Variants in SRRM2 observed in about 807,000 individuals in gnomAD.
The protein encoded by SRRM2 is serine/arginine repetitive matrix 2, also known as serine/arginine repetitive matrix protein 2.
In SRRM2, 30 loss-of-function variants were observed where a neutral mutation model predicts 213.8. The ratio of observed to expected loss-of-function variants is 0.14; its 90% CI spans 0.10 to 0.19. SRRM2 has a LOEUF of 0.19. SRRM2 is among the 10% of genes least tolerant of loss of function. The pLI is 1.00. For missense variants in SRRM2, 4,904 were observed against 3,647.0 expected (o/e 1.34, Z -8.88); for synonymous variants, 2,025 against 1,377.7 (o/e 1.47, Z -10.40).
chr16:2,770,319 T>C, intron 12 of SRRM2, 33 bp from the exon 13 acceptor site: 2 of 1,540,600 alleles, frequency 1.3e-6, no homozygotes, highest in Non-Finnish European at 1.8e-6. Context: ...CTTGAAAGGG[T>C]GTGGTGCTAT....
In SRRM2 at chr16:2,768,145, C is replaced by T. The variant is rs562448420; in HGVS notation, c.7617C>T (p.Ser2539=). The T allele has an allele frequency of 2.5e-6, 4 of 1,613,618 alleles. No homozygotes were observed. In the South Asian group the frequency reaches 3.3e-5, roughly 13 times the overall value. Residue 2539 remains serine (S), a synonymous_variant, in exon 11 of 15, where the codon TCC becomes TCT. Coordinates refer to ENST00000301740, the MANE Select transcript of SRRM2 (RefSeq NM_016333.4). ...GGAGTTCCTCCTCGTCGTCGTCGTC[C>T]TCTAGCTCCTCCTCTTCTTCATCAT... ...ERRSSSSSSS[S]SSSSSSSSSS...
chr16:2,771,021 T>C lies in SRRM2; in HGVS notation c.*154T>C. The C allele has an allele frequency of 1.1e-6, 1 of 873,834 alleles. No individual in the cohort carries two copies. Among genetic ancestry groups the C allele is most frequent in the Non-Finnish European group, 1.7e-6 (1 of 579,768 alleles). The allele number at this position is 873,834 out of a possible 1,614,324, so 54.1% of individuals were successfully genotyped here. ...GCTCCCTTTCCCTCCCCTTTTTTTT[T>C]TCTTTGTTCCTGTGAAATGTTAATC... On this transcript the variant is annotated 3_prime_UTR_variant, in exon 15 of 15. Coordinates refer to ENST00000301740, the MANE Select transcript of SRRM2 (RefSeq NM_016333.4).
At position 2,756,355 on chromosome 16, in the gene SRRM2, G is replaced by A; in HGVS notation, c.-10G>A. 1.3e-6 allele frequency: 2 copies of A among 1,592,854 alleles called. No individual in the cohort carries two copies. The highest frequency in any genetic ancestry group is 1.7e-6 in the Non-Finnish European group (2 of 1,172,638). On this transcript the variant is annotated 5_prime_UTR_variant, in exon 2 of 15. Coordinates refer to ENST00000301740, the MANE Select transcript of SRRM2 (RefSeq NM_016333.4). ...TCAGGAGCGGTGGTGCCCCCCCCGGGCACGGGGCCATGTACAACGGGATCG... is the reference window on the plus strand; with the variant it reads ...TCAGGAGCGGTGGTGCCCCCCCCGGACACGGGGCCATGTACAACGGGATCG...
In SRRM2 at chr16:2,770,912, A is replaced by G. The variant is rs1183460220; in HGVS notation, c.*45A>G. 11 of 1,612,496 alleles carry G rather than the reference A, an allele frequency of 6.8e-6. No homozygotes were observed. Among genetic ancestry groups the G allele is most frequent in the Non-Finnish European group, 9.3e-6 (11 of 1,179,482 alleles). ...ACCACACCCAATGCTCTGGAGCCACAAGGAGTGTCCCTTCTTCCCCAGCAG... is the reference window on the plus strand; with the variant it reads ...ACCACACCCAATGCTCTGGAGCCACGAGGAGTGTCCCTTCTTCCCCAGCAG... On this transcript the variant is annotated 3_prime_UTR_variant, in exon 15 of 15. Coordinates refer to ENST00000301740, the MANE Select transcript of SRRM2 (RefSeq NM_016333.4).
At position 2,764,376 on chromosome 16, in the gene SRRM2, C is replaced by G. The variant is rs145759637; in HGVS notation, c.3848C>G (p.Thr1283Ser). 1.1e-5 allele frequency: 18 copies of G among 1,614,152 alleles called. No homozygotes were observed. In the African/African-American group the frequency reaches 1.6e-4, roughly 14 times the overall value. The change falls in exon 11 of 15, where the codon ACT becomes AGT. Residue 1283 changes from threonine to serine, a missense_variant. Transcript: ENST00000301740. ...GAAGAAAGGCCTGCTGTGTCTTTGA[C>G]TCTTGATCAGAGCCAGTCACAGGCT... ...EVEERPAVSL[T>S]LDQSQSQASL... is the part of the protein sequence containing the mutation.
Position 2,771,326 on chromosome 16 carries a change from TC to T in SRRM2, c.*460del, listed in dbSNP as rs2068740917. 1 of 1,368,638 alleles carries T rather than the reference TC, an allele frequency of 7.3e-7. No homozygotes were observed. The highest frequency in any genetic ancestry group is 1.2e-5 in the South Asian group (1 of 85,358). 84.8% of individuals were successfully genotyped at this position (1,368,638 alleles called of 1,614,324 possible). A position where few individuals can be genotyped will look rare whatever the true frequency, so the allele number is the denominator to read the frequency against. On this transcript the variant is annotated 3_prime_UTR_variant, in exon 15 of 15. Coordinates refer to ENST00000301740, the MANE Select transcript of SRRM2 (RefSeq NM_016333.4). Reference sequence around the variant, plus strand: ...GTTGTGAACCCCTCCCCCCAACTTTTCATGTTTCTTAAAGGCATTTTGGTTT... The same window carrying T: ...GTTGTGAACCCCTCCCCCCAACTTTTATGTTTCTTAAAGGCATTTTGGTTT...
Position 2,766,113 on chromosome 16 carries a change from A to T in SRRM2, c.5585A>T (p.Lys1862Ile). 6.2e-7 allele frequency: 1 copy of T among 1,614,120 alleles called. No homozygotes were observed. The highest frequency in any genetic ancestry group is 8.5e-7 in the Non-Finnish European group (1 of 1,180,004). ...TCACGCACATCACCAGCCCCGTGGA[A>T]ACGCTCTAGATCTCGAGCCTCTCCA... ...SRSRTSPAPW[K>I]RSRSRASPAT... The change falls in exon 11 of 15, where the codon AAA becomes ATA. Residue 1862 changes from lysine (K) to isoleucine (I), a missense_variant. Physicochemically the swap from Lys to Ile is moderately radical, Grantham distance 102. Coordinates refer to ENST00000301740, the MANE Select transcript of SRRM2 (RefSeq NM_016333.4). The surrounding 1 kb of genome is among the most constrained non-coding windows in gnomAD (Gnocchi z 7.0).
intron 1 of SRRM2, among the ~76,000 whole-genome samples, chr16:2,755,117 A>G (rs2068095139): frequency 6.6e-6 from 1 of 152,196 alleles, no homozygotes; most frequent in Non-Finnish European, 1.5e-5. Context: ...TGTTCTAGGA[A>G]ACTATCTTGG....
In SRRM2 at chr16:2,759,392, A is replaced by G. The variant is rs762296235; in HGVS notation, c.730A>G (p.Lys244Glu). The change falls in exon 8 of 15, where the codon AAG (lysine) becomes GAG (glutamate). Residue 244 changes from lysine to glutamate, a missense_variant. Physicochemically the swap from Lys to Glu is moderately conservative, Grantham distance 56. Transcript: ENST00000301740. ...GAGCAAACGTAAATCTAAGGACAAAAAGCGAAAGCGGTGAGTGAATTTGTG... is the reference window on the plus strand; with the variant it reads ...GAGCAAACGTAAATCTAAGGACAAAGAGCGAAAGCGGTGAGTGAATTTGTG... ...PKSKRKSKDK[K>E]RKRSRSTTPA... 1 of 1,593,810 alleles carries G rather than the reference A, an allele frequency of 6.3e-7. No homozygotes were observed. Among genetic ancestry groups the G allele is most frequent in the Non-Finnish European group, 8.5e-7 (1 of 1,173,710 alleles).
In SRRM2 at chr16:2,763,206, G is replaced by T. The variant is rs779019911; in HGVS notation, c.2678G>T (p.Gly893Val). The change falls in exon 11 of 15, where the codon GGG (glycine) becomes GTG (valine). Residue 893 changes from glycine (G) to valine (V), a missense_variant. By Grantham distance (109) the Gly-to-Val change is moderately radical (BLOSUM62 -3). Coordinates refer to ENST00000301740, the MANE Select transcript of SRRM2 (RefSeq NM_016333.4). Reference protein sequence around the residue: ...SRTPSRHSCSGSSPPRVKSST... With the variant: ...SRTPSRHSCSVSSPPRVKSST... The stretch of plus-strand genomic sequence containing the variant: ...ACCCCTTCTAGACATAGCTGCTCAG[G>T]GTCCTCTCCTCCTAGAGTGAAATCT... 1.9e-6 allele frequency: 3 copies of T among 1,613,738 alleles called. No homozygotes were observed. The highest frequency in any genetic ancestry group is 2.7e-5 in the African/African-American group (2 of 74,802).
At position 2,765,512 on chromosome 16, in the gene SRRM2, C is replaced by G. The variant is rs775351484; in HGVS notation, c.4984C>G (p.Pro1662Ala). The change falls in exon 11 of 15, where the codon CCG becomes GCG. Residue 1662 changes from proline (P) to alanine (A), a missense_variant. By Grantham distance (27) the Pro-to-Ala change is conservative. Transcript: ENST00000301740. ...CAGTACCGAGTCCTCTCCTGAACAT[C>G]CGCCCAAATCCAGAACTGCTCGCAG... ...SSSTESSPEH[P>A]PKSRTARRGS... The G allele has an allele frequency of 3.3e-5, 54 of 1,614,190 alleles. No individual in the cohort carries two copies. The highest frequency in any genetic ancestry group is 4.6e-5 in the Non-Finnish European group (54 of 1,180,038).
chr16:2,764,955 G>A lies in SRRM2; in HGVS notation c.4427G>A (p.Gly1476Glu), dbSNP rs747135314. Residue 1476 changes from glycine to glutamate, a missense_variant, in exon 11 of 15, where the codon GGG becomes GAG. By Grantham distance (98) the Gly-to-Glu change is moderately conservative (BLOSUM62 -2). Coordinates refer to ENST00000301740, the MANE Select transcript of SRRM2 (RefSeq NM_016333.4). ...GATATACCTAGAACGCCATCTAGAG[G>A]GAGAAGCGAATGTGATTCTTCCCCA... ...MKDIPRTPSR[G>E]RSECDSSPEP... The A allele has an allele frequency of 6.2e-7, 1 of 1,614,086 alleles. No individual in the cohort carries two copies. Among genetic ancestry groups the A allele is most frequent in the African/African-American group, 1.3e-5 (1 of 75,012 alleles).
At chr16:2,759,098 C>T (rs370966028) in intron 6 of SRRM2, 42 bp from the exon 7 acceptor site, 150 of 1,614,014 alleles carry the variant, frequency 9.3e-5, no homozygotes, top group Non-Finnish European at 1.2e-4. Context: ...TGAATTCAGG[C>T]AGAGGTGTTT....
At position 2,758,488 on chromosome 16, in the gene SRRM2, C is replaced by T; in HGVS notation, c.534C>T (p.Ser178=). ...PKPYSLVRES[S]SSRSPTPKQK... ...TCCCTAGCCTTGTTCGGGAGTCTAG[C>T]AGTTCTCGCTCACCAACCCCAAAGC... Residue 178 remains serine, a synonymous_variant, in exon 5 of 15, where the codon AGC becomes AGT. Coordinates refer to ENST00000301740, the MANE Select transcript of SRRM2 (RefSeq NM_016333.4). 1 of 1,614,064 alleles carries T rather than the reference C, an allele frequency of 6.2e-7. No homozygotes were observed. The highest frequency in any genetic ancestry group is 1.1e-5 in the South Asian group (1 of 91,078).
chr16:2,758,912 GGA>G (rs1384708028), intron 5 of SRRM2, 71 bp from the exon 6 acceptor site: 33 of 1,565,792 alleles, frequency 2.1e-5, no homozygotes, highest in Non-Finnish European at 2.8e-5. Flanking sequence ...AACCTTTTTA[GGA>G]GAGAGATTGT....
In SRRM2 at chr16:2,763,405, G is replaced by C; in HGVS notation, c.2877G>C (p.Val959=). Residue 959 remains valine (V), a synonymous_variant, in exon 11 of 15, where the codon GTG becomes GTC. Coordinates refer to ENST00000301740, the MANE Select transcript of SRRM2 (RefSeq NM_016333.4). ...RSRSVSPCSN[V]ESRLLPRYSH... Reference sequence around the variant, plus strand: ...GATCAGTATCTCCCTGCTCCAATGTGGAATCCAGATTGTTGCCAAGATACA... The same window carrying C: ...GATCAGTATCTCCCTGCTCCAATGTCGAATCCAGATTGTTGCCAAGATACA... 1 of 1,614,178 alleles carries C rather than the reference G, an allele frequency of 6.2e-7. No homozygotes were observed. Among genetic ancestry groups the C allele is most frequent in the East Asian group, 2.2e-5 (1 of 44,888 alleles).
intron 11 of SRRM2, 140 bp from the exon 12 acceptor site, chr16:2,768,857 A>G (rs983131066): frequency 6.6e-7 from 1 of 1,525,322 alleles, no homozygotes; most frequent in Non-Finnish European, 8.8e-7. Flanking sequence ...TCTCCAGAGA[A>G]TTGCTGGCTC....
In SRRM2 at chr16:2,766,664, T is replaced by C. The variant is rs1264008741; in HGVS notation, c.6136T>C (p.Ser2046Pro). The change falls in exon 11 of 15, where the codon TCA (serine) becomes CCA (proline). Residue 2046 changes from serine (S) to proline (P), a missense_variant. By Grantham distance (74) the Ser-to-Pro change is moderately conservative. Coordinates refer to ENST00000301740, the MANE Select transcript of SRRM2 (RefSeq NM_016333.4). The surrounding 1 kb of genome is among the most constrained non-coding windows in gnomAD (Gnocchi z 7.0). ...ACCACGCAAACGTTCTCGAAGTCGCTCACCACTTGCTATCCGCCGCCGCTC... is the reference window on the plus strand; with the variant it reads ...ACCACGCAAACGTTCTCGAAGTCGCCCACCACTTGCTATCCGCCGCCGCTC... ...LLPRKRSRSR[S>P]PLAIRRRSRS... 6.2e-7 allele frequency: 1 copy of C among 1,611,066 alleles called. No individual in the cohort carries two copies. The highest frequency in any genetic ancestry group is 8.5e-7 in the Non-Finnish European group (1 of 1,179,138).
rs1399774853 is a variant in SRRM2 at position 2,760,431 on chromosome 16, A to T, written c.964A>T (p.Ser322Cys). Residue 322 changes from serine (S) to cysteine (C), a missense_variant, in exon 10 of 15, where the codon AGT becomes TGT. Transcript: ENST00000301740. ...EPGTTSTQRP[S>C]SPETATKQPS... is the part of the protein sequence containing the mutation. Reference sequence around the variant, plus strand: ...AGGTACTACCAGCACACAACGGCCTAGTAGCCCGGAGACTGCTACGAAACA... The same window carrying T: ...AGGTACTACCAGCACACAACGGCCTTGTAGCCCGGAGACTGCTACGAAACA... 4 of 1,614,102 alleles carry T rather than the reference A, an allele frequency of 2.5e-6. No homozygotes were observed. The African/African-American group carries it at 5.3e-5, about 22-fold the overall frequency.
Sources: allele counts gnomAD v4.1 joint callset (sites outside exome capture counted in the v4.1 genomes callset), GRCh38; gene constraint gnomAD v4.1.1; non-coding constraint Gnocchi (gnomAD v3.1); transcripts MANE v1.5; gene names NCBI Gene and HGNC (gene_info 2026-07-23, HGNC 2026-07-21).